Variants in CAST observed in about 807,000 individuals in gnomAD.
The protein encoded by CAST is MIR583 host.
Under a neutral mutation model 119.6 loss-of-function variants are expected in CAST, and 76 were observed. The ratio of observed to expected loss-of-function variants is 0.64; its 90% CI spans 0.53 to 0.77. CAST has a LOEUF of 0.77. Ranked by LOEUF, CAST falls within the 30% of genes least tolerant of loss-of-function variation. The probability of loss-of-function intolerance (pLI) is 0.00; values close to 1 mark genes in which losing one functional copy is unlikely to be tolerated. For synonymous variants in CAST, 319 were observed against 331.6 expected, an observed-to-expected ratio of 0.96 and a Z score of 0.41; for missense variants, 953 against 946.5, an observed-to-expected ratio of 1.01 and a Z score of -0.09.
At chr5:96,079,671 C>T in the CAST span, among the ~76,000 whole-genome samples, 4 of 152,156 alleles carry the variant, frequency 2.6e-5, no homozygotes, top group Admixed American at 6.5e-5. Flanking sequence ...TGCTAGCACC[C>T]TTCCACAAAC....
At chr5:96,684,041 A>G (rs991869370) in intron 2 of CAST, among the ~76,000 whole-genome samples, 6 of 152,232 alleles carry the variant, frequency 3.9e-5, no homozygotes, top group African/African-American at 7.2e-5. Flanking sequence ...GAAGCAGCAT[A>G]TGATACATTC....
chr5:96,308,660 G>C, the CAST span: 1 of 152,136 alleles, frequency 6.6e-6, no homozygotes, highest in African/African-American at 2.4e-5. Flanking sequence ...CCTTTTTGTT[G>C]ATGCTGATAC....
chr5:96,272,036 G>T, the CAST span, among the ~76,000 whole-genome samples: 2 of 152,116 alleles, frequency 1.3e-5, no homozygotes, highest in South Asian at 4.1e-4. Flanking sequence ...AACCATCAGA[G>T]AAATGCAAAT....
At chr5:96,660,443 C>T (rs1230662370), upstream of CAST, among the ~76,000 whole-genome samples, 5 of 152,210 alleles carry the variant, frequency 3.3e-5, no homozygotes, top group Admixed American at 2.0e-4. Context: ...CTATATCTCT[C>T]CTTCTACTAG....
chr5:96,131,641 G>A, the CAST span, among the ~76,000 whole-genome samples: 1 of 152,088 alleles, frequency 6.6e-6, no homozygotes, highest in African/African-American at 2.4e-5. Flanking sequence ...TTTACATTAA[G>A]AGAAAAAGCA....
chr5:96,593,719 T>C (rs898764195), intron 1 of CAST, among the ~76,000 whole-genome samples: 9 of 152,198 alleles, frequency 5.9e-5, no homozygotes, highest in East Asian at 1.9e-4. Flanking sequence ...ATAGGATTAG[T>C]GCCTTATTAA....
chr5:96,040,701 C>A, the CAST span, among the ~76,000 whole-genome samples: 1 of 152,124 alleles, frequency 6.6e-6, no homozygotes, highest in Non-Finnish European at 1.5e-5. Flanking sequence ...GTTGAACCAG[C>A]CTTGCATCCC....
the CAST span, among the ~76,000 whole-genome samples, chr5:96,153,821 C>A: frequency 6.6e-6 from 1 of 152,058 alleles, no homozygotes; most frequent in South Asian, 2.1e-4. Context: ...AGTCTCTGAC[C>A]TGAAGTCTTT....
chr5:96,440,483 G>A, the CAST span, among the ~76,000 whole-genome samples: 6 of 152,084 alleles, frequency 3.9e-5, no homozygotes, highest in Admixed American at 3.3e-4. Flanking sequence ...TATTGGCCAG[G>A]TCTGAGTTGT....
At chr5:96,637,380 G>T (rs2150202750) in intron 1 of CAST, among the ~76,000 whole-genome samples, 1 of 152,256 alleles carries the variant, frequency 6.6e-6, no homozygotes, top group Middle Eastern at 3.4e-3. Flanking sequence ...TGTAACCATG[G>T]ATTTATACTA....
chr5:96,547,996 T>C (rs2068049231), intron 1 of CAST, among the ~76,000 whole-genome samples: 1 of 152,234 alleles, frequency 6.6e-6, no homozygotes. Context: ...TGTAAGTCTT[T>C]GAGCCAACTT....
chr5:96,440,520 CA>C, the CAST span, among the ~76,000 whole-genome samples: 1 of 151,364 alleles, frequency 6.6e-6, no homozygotes, highest in Non-Finnish European at 1.5e-5. Flanking sequence ...GAGCAGGTAG[CA>C]AAAGTTTTTT....
chr5:96,520,253 C>T, the CAST span, among the ~76,000 whole-genome samples: 1 of 152,212 alleles, frequency 6.6e-6, no homozygotes, highest in Non-Finnish European at 1.5e-5. Context: ...TGTTTCCCAA[C>T]ACTGATTTGG....
At chr5:96,403,386 G>A in the CAST span, among the ~76,000 whole-genome samples, 1 of 151,952 alleles carries the variant, frequency 6.6e-6, no homozygotes, top group Admixed American at 6.6e-5. Context: ...TTTACATTAG[G>A]TATATCTCCT....
chr5:96,433,258 G>T, the CAST span: 2 of 589,604 alleles, frequency 3.4e-6, no homozygotes, highest in African/African-American at 3.7e-5. Flanking sequence ...TGGAGCCCCA[G>T]CCCTTCCCAG....
chr5:96,557,356 AC>A (rs1746264197), intron 1 of CAST, among the ~76,000 whole-genome samples: 1 of 152,072 alleles, frequency 6.6e-6, no homozygotes, highest in African/African-American at 2.4e-5. Flanking sequence ...TTCACACATA[AC>A]AATATTAACC....
the CAST span, chr5:96,395,147 T>G: frequency 2.4e-6 from 2 of 843,042 alleles, no homozygotes; most frequent in South Asian, 2.9e-5. Flanking sequence ...GCATTTCATG[T>G]GAAAGAAACC....
chr5:96,085,407 AAACAAATGAGC>A, the CAST span, among the ~76,000 whole-genome samples: 1 of 152,206 alleles, frequency 6.6e-6, no homozygotes, highest in Non-Finnish European at 1.5e-5. Context: ...AGTTCTTGAG[AAACAAATGAGC>A]ACTTATAATT....
the CAST span, among the ~76,000 whole-genome samples, chr5:96,301,006 C>T: frequency 6.6e-6 from 1 of 152,058 alleles, no homozygotes; most frequent in African/African-American, 2.4e-5. Context: ...TCTGTTCTCA[C>T]ATTGCTATAA....
Sources: allele counts gnomAD v4.1 joint callset (sites outside exome capture counted in the v4.1 genomes callset), GRCh38; gene constraint gnomAD v4.1.1; transcripts MANE v1.5; gene names NCBI Gene and HGNC (gene_info 2026-07-23, HGNC 2026-07-21).